The following PKP3 variants were observed in gnomAD, a reference collection of about 807,000 sequenced individuals.
PKP3 encodes the protein plakophilin 3.
In PKP3, 66 loss-of-function variants were observed where a neutral mutation model predicts 76.5. The ratio of observed to expected loss-of-function variants is 0.86; its 90% confidence interval spans 0.71 to 1.06. The LOEUF (loss-of-function observed/expected upper bound fraction) is 1.06, where lower values mean the gene tolerates loss of function less well. Among genes scored for constraint, PKP3 ranks in the 50% least tolerant of loss-of-function variants. The probability of loss-of-function intolerance (pLI) is 0.00; values close to 1 mark genes in which losing one functional copy is unlikely to be tolerated. For missense variants in PKP3, 1,338 were observed against 1,141.0 expected (o/e 1.17, Z -2.49); for synonymous variants, 638 against 516.5 (o/e 1.24, Z -3.19).
Position 404,552 on chromosome 11 carries a change from G to C in PKP3, c.2377G>C (p.Asp793His), listed in dbSNP as rs144613158. Residue 793 changes from aspartate to histidine, a missense_variant, in exon 13 of 13, where the codon GAC (aspartate) becomes CAC (histidine). Transcript: ENST00000331563. This position sits in a 1 kb window ranked among gnomAD's most constrained non-coding sequence, Gnocchi z 4.2. ...DFRAKGYRKE[D>H]FLGP ...ACTGTAGAAGGGCTATCGGAAGGAG[G>C]ACTTCCTGGGCCCATAGGTGAAGCC... The C allele has an allele frequency of 2.5e-6, 4 of 1,612,622 alleles. No individual in the cohort carries two copies. The highest frequency in any genetic ancestry group is 3.4e-6 in the Non-Finnish European group (4 of 1,179,864).
Position 404,279 on chromosome 11 carries a change from G to A in PKP3, c.2314G>A (p.Ala772Thr), listed in dbSNP as rs757217082. 1 of 1,612,648 alleles carries A rather than the reference G, an allele frequency of 6.2e-7. No homozygotes were observed. Among genetic ancestry groups the A allele is most frequent in the Non-Finnish European group, 8.5e-7 (1 of 1,179,876 alleles). The part of the protein sequence containing the change: ...KSSRAASSLL[A>T]NLWQYNKLHR... ...CTCCCGGGCAGCATCCAGCCTCCTG[G>A]CCAACCTGTGGCAGTACAACAAGCT... The change falls in exon 12 of 13, where the codon GCC becomes ACC. Residue 772 changes from alanine to threonine, a missense_variant. Transcript: ENST00000331563. The surrounding 1 kb of genome is among the most constrained non-coding windows in gnomAD (Gnocchi z 4.2).
At chr11:392,808 C>A (rs1469436572), upstream of PKP3, 5 of 532,016 alleles carry the variant, frequency 9.4e-6, no homozygotes, top group African/African-American at 9.8e-5. Context: ...CCCCTTTAAC[C>A]CCCCACGCTG....
At chr11:392,676 T>A (rs1433130003), upstream of PKP3, 1 of 1,286,962 alleles carries the variant, frequency 7.8e-7, no homozygotes, top group Non-Finnish European at 1.0e-6. Flanking sequence ...TGGGATGAGC[T>A]GGGAGGCTGG....
At position 396,804 on chromosome 11, in the gene PKP3, C is replaced by T. The variant is rs745314060; in HGVS notation, c.313-10C>T. 18 of 1,573,050 alleles carry T rather than the reference C, an allele frequency of 1.1e-5. No individual in the cohort carries two copies. In the East Asian group the frequency reaches 2.5e-4, roughly 22 times the overall value. On this transcript the variant is annotated splice_polypyrimidine_tract_variant and intron_variant, in intron 2 of 12. Transcript: ENST00000331563. ...CAGGCACGCCCTCACCGCCCCCTCT[C>T]GACCCACAGGGCTTCCGGCCCATCG...
rs753638457 is a variant in PKP3, at chr11:397,250, C to A, written c.749C>A (p.Thr250Asn). 6.3e-7 allele frequency: 1 copy of A among 1,599,892 alleles called. No individual in the cohort carries two copies. The highest frequency in any genetic ancestry group is 8.5e-7 in the Non-Finnish European group (1 of 1,178,252). ...ACCATCCGTGCCCCTGCCGTGCGGA[C>A]CCTGCAGCGATTCCAGAGCAGCCAC... ...SRTIRAPAVR[T>N]LQRFQSSHRS... The change falls in exon 3 of 13, where the codon ACC becomes AAC. Residue 250 changes from threonine to asparagine, a missense_variant. By Grantham distance (65) the Thr-to-Asn change is moderately conservative. Coordinates refer to ENST00000331563, the MANE Select transcript of PKP3 (RefSeq NM_007183.4).
chr11:394,131 C>G (rs1019576562), upstream of PKP3: 1 of 1,161,454 alleles, frequency 8.6e-7, no homozygotes, highest in Non-Finnish European at 1.1e-6. Context: ...CAGGTGTCCC[C>G]GCCCCCAGCT....
At chr11:398,815 C>T (rs532754679) in intron 4 of PKP3, among the ~76,000 whole-genome samples, 177 bp from the exon 5 acceptor site, 83 of 148,900 alleles carry the variant, frequency 5.6e-4, no homozygotes, top group African/African-American at 1.8e-3. Context: ...GCGTCACCTC[C>T]GTACCCCCGC....
intron 4 of PKP3, 34 bp downstream of exon 4, chr11:397,696 G>A (rs1342182703): frequency 1.9e-6 from 3 of 1,600,808 alleles, no homozygotes; most frequent in South Asian, 2.2e-5. Flanking sequence ...GCTGCCCCCT[G>A]GTGACCTCCT....
chr11:395,405 C>T (rs925316017), intron 1 of PKP3, among the ~76,000 whole-genome samples: 3 of 152,084 alleles, frequency 2.0e-5, no homozygotes, highest in African/African-American at 2.4e-5. Flanking sequence ...GCGGAGGGGC[C>T]GGCCCGGCGG....
chr11:400,550 G>C lies in PKP3; in HGVS notation c.1582G>C (p.Val528Leu), dbSNP rs983959594. 4.5e-5 allele frequency: 68 copies of C among 1,496,094 alleles called. No individual in the cohort carries two copies. Among genetic ancestry groups the C allele is most frequent in the Non-Finnish European group, 2.6e-5 (29 of 1,130,086 alleles). The allele number at this position is 1,496,094 out of a possible 1,614,324, so 92.7% of individuals were successfully genotyped here. ...KCEDKSVENA[V>L]CVLRNLSYRL... Reference sequence around the variant, plus strand: ...CCGCCCGCAGAGCGTGGAGAACGCGGTGTGCGTCCTGCGGAACCTGTCCTA... The same window carrying C: ...CCGCCCGCAGAGCGTGGAGAACGCGCTGTGCGTCCTGCGGAACCTGTCCTA... The change falls in exon 8 of 13, where the codon GTG becomes CTG. Residue 528 changes from valine (V) to leucine (L), a missense_variant. By Grantham distance (32) the Val-to-Leu change is conservative. Transcript: ENST00000331563.
At chr11:392,726 T>TCCCCCCCCCCCCCAC, upstream of PKP3, 1 of 1,255,656 alleles carries the variant, frequency 8.0e-7, no homozygotes, top group South Asian at 1.3e-5. Flanking sequence ...TCCCACCCCT[T>TCCCCCCCCCCCCCAC]CCCCACCACC....
At chr11:393,063 T>C (rs1846996036), upstream of PKP3, among the ~76,000 whole-genome samples, 1 of 151,876 alleles carries the variant, frequency 6.6e-6, no homozygotes, top group African/African-American at 2.4e-5. Context: ...GAGGTTGTCA[T>C]AGATGTTCAG....
Position 400,625 on chromosome 11 carries a change from C to A in PKP3, c.1657C>A (p.Arg553Ser), listed in dbSNP as rs1300819872. ...GTCCGCGCTGCAGCGGCTGGAGGGTCGCGGCCGCAGGGACCTGGCGGGGGC... is the reference window on the plus strand; with the variant it reads ...GTCCGCGCTGCAGCGGCTGGAGGGTAGCGGCCGCAGGGACCTGGCGGGGGC... ...PPSALQRLEGRGRRDLAGAPP... is the reference protein window; with the variant it reads ...PPSALQRLEGSGRRDLAGAPP... Residue 553 changes from arginine (R) to serine (S), a missense_variant, in exon 8 of 13, where the codon CGC (arginine) becomes AGC (serine). By Grantham distance (110) the Arg-to-Ser change is moderately radical. Coordinates refer to ENST00000331563, the MANE Select transcript of PKP3 (RefSeq NM_007183.4). 5.6e-6 allele frequency: 8 copies of A among 1,418,102 alleles called. No individual in the cohort carries two copies. Among genetic ancestry groups the A allele is most frequent in the Admixed American group, 3.3e-5 (1 of 30,120 alleles). The allele number at this position is 1,418,102 out of a possible 1,614,324, so 87.8% of individuals were successfully genotyped here. A position where few individuals can be genotyped will look rare whatever the true frequency, so the allele number is the denominator to read the frequency against.
In PKP3 at chr11:404,437, G is replaced by A; in HGVS notation, c.2359-97G>A. On this transcript the variant is annotated intron_variant, in intron 12 of 12. Transcript: ENST00000331563. The surrounding 1 kb of genome is among the most constrained non-coding windows in gnomAD (Gnocchi z 4.2). Reference sequence around the variant, plus strand: ...TGGAGACCAGGGACCCAGAGAGGAAGGGTCCGGGCCACACCCAGCACACTG... The same window carrying A: ...TGGAGACCAGGGACCCAGAGAGGAAAGGTCCGGGCCACACCCAGCACACTG... The A allele has an allele frequency of 6.7e-7, 1 of 1,495,974 alleles. No homozygotes were observed. The highest frequency in any genetic ancestry group is 9.3e-7 in the Non-Finnish European group (1 of 1,073,896). 92.7% of individuals were successfully genotyped at this position (1,495,974 alleles called of 1,614,324 possible). A position where few individuals can be genotyped will look rare whatever the true frequency, so the allele number is the denominator to read the frequency against.
At chr11:399,887 C>A in intron 5 of PKP3, 80 bp from the exon 6 acceptor site, 1 of 1,187,768 alleles carries the variant, frequency 8.4e-7, no homozygotes, top group Non-Finnish European at 1.2e-6. Context: ...TGGGGAGAGG[C>A]GGGACCTCTT....
Position 397,597 on chromosome 11 carries a change from CTGCAGG to C in PKP3, c.1007_1012del (p.Gln336_Val337del), listed in dbSNP as rs1446491579. 5.6e-6 allele frequency: 9 copies of C among 1,612,026 alleles called. No individual in the cohort carries two copies. The highest frequency in any genetic ancestry group is 7.6e-6 in the Non-Finnish European group (9 of 1,179,534). On this transcript the variant is annotated inframe_deletion, in exon 4 of 13. Coordinates refer to ENST00000331563, the MANE Select transcript of PKP3 (RefSeq NM_007183.4). The stretch of plus-strand genomic sequence containing the variant: ...GTACCTCATGGCTTCAGACCCCAAC[CTGCAGG>C]TGCTGGGAGCGGCCTACATCCAGCA...
At chr11:399,916 G>C (rs1213826164) in intron 5 of PKP3, 51 bp from the exon 6 acceptor site, 3 of 1,468,742 alleles carry the variant, frequency 2.0e-6, no homozygotes, top group East Asian at 2.4e-5. Flanking sequence ...CCCCAGAAAC[G>C]CGGAGGGGGT....
At chr11:400,748 C>T in intron 8 of PKP3, 43 bp downstream of exon 8, 1 of 1,125,702 alleles carries the variant, frequency 8.9e-7, no homozygotes, top group Non-Finnish European at 1.1e-6. Flanking sequence ...GTGCTGCGAC[C>T]CCGGCCCCGC....
At position 400,624 on chromosome 11, in the gene PKP3, T is replaced by C. The variant is rs1847138453; in HGVS notation, c.1656T>C (p.Gly552=). 7.0e-7 allele frequency: 1 copy of C among 1,419,580 alleles called. No homozygotes were observed. 87.9% of individuals were successfully genotyped at this position (1,419,580 alleles called of 1,614,324 possible). The change falls in exon 8 of 13, where the codon GGT becomes GGC. Residue 552 remains glycine (G), a synonymous_variant. Transcript: ENST00000331563. The part of the protein sequence containing the change: ...MPPSALQRLE[G]RGRRDLAGAP... ...CGTCCGCGCTGCAGCGGCTGGAGGG[T>C]CGCGGCCGCAGGGACCTGGCGGGGG...
Sources: gnomAD v4.1 joint callset for allele counts (sites outside exome capture counted in the v4.1 genomes callset) on GRCh38, gnomAD v4.1.1 for gene constraint, Gnocchi (gnomAD v3.1) non-coding constraint, MANE v1.5 for transcripts, NCBI Gene and HGNC (gene_info 2026-07-23, HGNC 2026-07-21) for gene names.